RGS6: variants seen among roughly 807,000 people sequenced by gnomAD.
RGS6 encodes regulator of G protein signaling 6, also known as regulator of G-protein signaling 6.
Under a neutral mutation model 78.5 loss-of-function variants are expected in RGS6, and 30 were observed. That is an observed-to-expected ratio of 0.38 (90% CI 0.29 to 0.52). The LOEUF (loss-of-function observed/expected upper bound fraction) is 0.52, where lower values mean the gene tolerates loss of function less well. Among genes scored for constraint, RGS6 ranks in the 20% least tolerant of loss-of-function variants. The probability of loss-of-function intolerance (pLI) is 0.85; values close to 1 mark genes in which losing one functional copy is unlikely to be tolerated. For synonymous variants in RGS6, 206 were observed against 206.0 expected, an observed-to-expected ratio of 1.00 and a Z score of 0.00; for missense variants, 495 against 609.7, an observed-to-expected ratio of 0.81 and a Z score of 1.98.
At chr14:72,620,095 C>T in the RGS6 span, 9 of 1,104,934 alleles carry the variant, frequency 8.1e-6, no homozygotes, top group Non-Finnish European at 1.1e-5. Context: ...CACTGGATCC[C>T]CTTTCCAGGC....
intron 3 of RGS6, among the ~76,000 whole-genome samples, chr14:72,453,458 A>G (rs2095546082): frequency 6.8e-6 from 1 of 146,090 alleles, no homozygotes; most frequent in African/African-American, 2.5e-5. Context: ...TACTAAAAAT[A>G]CAAAAAAATT....
At chr14:72,002,319 A>C (rs969583396) in intron 2 of RGS6, among the ~76,000 whole-genome samples, 12 of 152,356 alleles carry the variant, frequency 7.9e-5, no homozygotes, top group African/African-American at 2.9e-4. Flanking sequence ...ACAGCTTATT[A>C]GAGGCAGATT....
At chr14:71,988,490 A>T (rs2094816556) in intron 2 of RGS6, among the ~76,000 whole-genome samples, 2 of 152,176 alleles carry the variant, frequency 1.3e-5, no homozygotes, top group South Asian at 4.1e-4. Context: ...GTGAAATTCA[A>T]ATTTCAGTAT....
the RGS6 span, among the ~76,000 whole-genome samples, chr14:71,872,970 C>G: frequency 6.6e-6 from 1 of 152,194 alleles, no homozygotes; most frequent in Non-Finnish European, 1.5e-5. Context: ...AGGACATGAA[C>G]TCAACCTTTT....
At chr14:72,017,853 T>C (rs1003466719) in intron 2 of RGS6, among the ~76,000 whole-genome samples, 1 of 152,184 alleles carries the variant, frequency 6.6e-6, no homozygotes, top group African/African-American at 2.4e-5. Flanking sequence ...ATGTGTGCCA[T>C]GGTGGTTTGC....
At chr14:72,134,127 C>A (rs1419097558) in intron 2 of RGS6, among the ~76,000 whole-genome samples, 1 of 152,144 alleles carries the variant, frequency 6.6e-6, no homozygotes, top group African/African-American at 2.4e-5. Context: ...AGCCACTTGC[C>A]TCAACCCCCT....
At chr14:72,615,713 T>C in the RGS6 span, among the ~76,000 whole-genome samples, 1 of 152,350 alleles carries the variant, frequency 6.6e-6, no homozygotes, top group Admixed American at 6.5e-5. Context: ...CAGGGGAGCC[T>C]TGGGACCTGC....
At chr14:72,313,291 G>A (rs564680528) in intron 2 of RGS6, among the ~76,000 whole-genome samples, 1 of 152,198 alleles carries the variant, frequency 6.6e-6, no homozygotes, top group Non-Finnish European at 1.5e-5. Context: ...ACTTCAAGAT[G>A]GCAACAGCAG....
chr14:72,393,396 G>T (rs1237699224), intron 3 of RGS6, among the ~76,000 whole-genome samples: 1 of 152,058 alleles, frequency 6.6e-6, no homozygotes, highest in Non-Finnish European at 1.5e-5. Flanking sequence ...AGATTTTTAG[G>T]GTGCACCCAA....
At chr14:72,232,104 G>A (rs2049790234) in intron 2 of RGS6, among the ~76,000 whole-genome samples, 1 of 152,230 alleles carries the variant, frequency 6.6e-6, no homozygotes, top group Non-Finnish European at 1.5e-5. Flanking sequence ...TTTGTGGTCT[G>A]AAAGCCATGC....
chr14:72,413,663 G>A (rs1387146806), intron 3 of RGS6, among the ~76,000 whole-genome samples: 2 of 152,198 alleles, frequency 1.3e-5, no homozygotes, highest in Non-Finnish European at 2.9e-5. Flanking sequence ...TCCTAGCCTT[G>A]ATGGTCTTTA....
chr14:72,281,836 A>G (rs1402811984), intron 2 of RGS6, among the ~76,000 whole-genome samples: 1 of 152,164 alleles, frequency 6.6e-6, no homozygotes, highest in Non-Finnish European at 1.5e-5. Context: ...GCATCTGGAA[A>G]GGTAGAAAGG....
At chr14:72,410,922 G>A (rs968757924) in intron 3 of RGS6, among the ~76,000 whole-genome samples, 23 of 152,162 alleles carry the variant, frequency 1.5e-4, no homozygotes, top group South Asian at 6.2e-4. Context: ...TGTTCCATTG[G>A]TCTATATCTC....
At chr14:72,333,864 C>T (rs2075516205) in intron 2 of RGS6, among the ~76,000 whole-genome samples, 1 of 152,204 alleles carries the variant, frequency 6.6e-6, no homozygotes, top group South Asian at 2.1e-4. Flanking sequence ...TGCAAGGTAA[C>T]AGGTACACAC....
At chr14:72,305,475 C>T (rs1347422819) in intron 2 of RGS6, among the ~76,000 whole-genome samples, 1 of 152,160 alleles carries the variant, frequency 6.6e-6, no homozygotes, top group Non-Finnish European at 1.5e-5. Context: ...GTGTTTACTC[C>T]ATATCTGTGT....
intron 2 of RGS6, among the ~76,000 whole-genome samples, chr14:72,005,751 G>A (rs2084428217): frequency 1.3e-5 from 2 of 151,988 alleles, no homozygotes; most frequent in African/African-American, 4.8e-5. Flanking sequence ...CTTTCTTCCT[G>A]CTGTCCTATT....
intron 3 of RGS6, among the ~76,000 whole-genome samples, chr14:72,420,216 C>A (rs1047684105): frequency 1.3e-5 from 2 of 152,220 alleles, no homozygotes; most frequent in Admixed American, 6.5e-5. Context: ...AAGGGTCTCA[C>A]AATGCCAGGA....
At chr14:72,599,419 T>TTTG in the RGS6 span, among the ~76,000 whole-genome samples, 2 of 130,396 alleles carry the variant, frequency 1.5e-5, no homozygotes, top group East Asian at 4.4e-4. Context: ...TTTTTTTTTT[T>TTTG]TTTTTTTGAG....
chr14:71,948,847 A>G (rs1323795278), intron 1 of RGS6, among the ~76,000 whole-genome samples: 1 of 149,176 alleles, frequency 6.7e-6, no homozygotes, highest in African/African-American at 2.5e-5. Context: ...CAGCCTCTCA[A>G]GTAGCTACCA....
Sources: allele counts gnomAD v4.1 joint callset (sites outside exome capture counted in the v4.1 genomes callset), GRCh38; gene constraint gnomAD v4.1.1; transcripts MANE v1.5; gene names NCBI Gene and HGNC (gene_info 2026-07-23, HGNC 2026-07-21).